CHLSN: variants seen among roughly 807,000 people sequenced by gnomAD.
The protein encoded by CHLSN is cholesin.
chr7:1,003,796 T>A, the CHLSN span, among the ~76,000 whole-genome samples: 1 of 91,664 alleles, frequency 1.1e-5, no homozygotes, highest in Admixed American at 1.0e-4. Context: ...AGTGGAGTCC[T>A]GTGGGTTTGG....
the CHLSN span, among the ~76,000 whole-genome samples, chr7:1,075,367 C>T: frequency 4.6e-5 from 7 of 151,608 alleles, no homozygotes; most frequent in African/African-American, 7.3e-5. Flanking sequence ...AAAAATTAGC[C>T]GGGGAAAAAT....
chr7:1,033,701 C>T, the CHLSN span, among the ~76,000 whole-genome samples: 2,923 of 152,150 alleles, frequency 0.019, 103 homozygotes, highest in African/African-American at 0.066. Flanking sequence ...AAATCGGTAA[C>T]GGAGGTGCCT....
chr7:1,033,541 A>T, the CHLSN span, among the ~76,000 whole-genome samples: 2 of 152,012 alleles, frequency 1.3e-5, no homozygotes, highest in Non-Finnish European at 2.9e-5. Flanking sequence ...CCTGGGCAAT[A>T]AGTGCGAAAC....
At chr7:1,108,344 G>A in the CHLSN span, among the ~76,000 whole-genome samples, 110 of 87,642 alleles carry the variant, frequency 1.3e-3, 7 homozygotes, top group African/African-American at 2.9e-3. Flanking sequence ...GAAGCAGAGG[G>A]GGGCTGTGTC....
At chr7:1,019,258 G>C in the CHLSN span, among the ~76,000 whole-genome samples, 2 of 151,098 alleles carry the variant, frequency 1.3e-5, no homozygotes, top group African/African-American at 2.4e-5. Flanking sequence ...TGAGGGTTTG[G>C]AGGGGCCCAA....
At chr7:1,118,799 CAAAAAAAAAA>C in the CHLSN span, among the ~76,000 whole-genome samples, 6 of 76,250 alleles carry the variant, frequency 7.9e-5, no homozygotes, top group African/African-American at 1.5e-4. Flanking sequence ...CCATCTCTAC[CAAAAAAAAAA>C]AAAAAAAAAA....
chr7:1,093,389 G>C, the CHLSN span: 1 of 446,506 alleles, frequency 2.2e-6, no homozygotes, highest in Non-Finnish European at 4.7e-6. Context: ...CCGAGTTAAA[G>C]AGGAGAAGGA....
At chr7:1,090,979 C>CTT in the CHLSN span, among the ~76,000 whole-genome samples, 2 of 152,098 alleles carry the variant, frequency 1.3e-5, no homozygotes, top group Non-Finnish European at 2.9e-5. Flanking sequence ...CACTCTCTCT[C>CTT]TCTCAGAAAC....
the CHLSN span, among the ~76,000 whole-genome samples, chr7:1,103,203 A>C: frequency 6.6e-6 from 1 of 152,206 alleles, no homozygotes. Context: ...GTGGCTATCC[A>C]AACTAAACCT....
the CHLSN span, among the ~76,000 whole-genome samples, chr7:998,739 C>G: frequency 6.6e-6 from 1 of 152,190 alleles, no homozygotes; most frequent in Admixed American, 6.5e-5. Context: ...AGCCACCACG[C>G]CCGGCTACAC....
At chr7:1,128,070 C>T in the CHLSN span, among the ~76,000 whole-genome samples, 1 of 27,530 alleles carries the variant, frequency 3.6e-5, no homozygotes, top group Non-Finnish European at 6.2e-5. Context: ...TGCAGTGGCG[C>T]GATCTCGGCT....
At chr7:1,105,570 GA>G in the CHLSN span, among the ~76,000 whole-genome samples, 6,345 of 151,748 alleles carry the variant, frequency 0.042, 342 homozygotes, top group African/African-American at 0.13. Flanking sequence ...AAAATACTTA[GA>G]AAAAAAAATT....
chr7:1,093,423 C>T, the CHLSN span: 1 of 462,206 alleles, frequency 2.2e-6, no homozygotes, highest in African/African-American at 2.0e-5. Context: ...TGGTGCACGC[C>T]TGAGCGTCCT....
the CHLSN span, among the ~76,000 whole-genome samples, chr7:1,032,893 C>T: frequency 6.6e-6 from 1 of 152,266 alleles, no homozygotes; most frequent in Non-Finnish European, 1.5e-5. Flanking sequence ...CACTGTCTGC[C>T]TGACCAATCC....
the CHLSN span, among the ~76,000 whole-genome samples, chr7:1,100,886 C>T: frequency 1.3e-5 from 2 of 152,218 alleles, no homozygotes; most frequent in African/African-American, 2.4e-5. Flanking sequence ...CTCCCGGGAA[C>T]GGCTGAGGGG....
the CHLSN span, among the ~76,000 whole-genome samples, chr7:1,096,160 G>A: frequency 0.015 from 2,297 of 152,314 alleles, 47 homozygotes; most frequent in African/African-American, 0.052. The surrounding 1 kb of genome is among the most constrained non-coding windows in gnomAD (Gnocchi z 4.6). Flanking sequence ...GCGTGGAAGC[G>A]TCACGCCGCC....
chr7:1,088,285 G>A, the CHLSN span: 1 of 152,338 alleles, frequency 6.6e-6, no homozygotes, highest in South Asian at 2.1e-4. The surrounding 1 kb of genome is among the most constrained non-coding windows in gnomAD (Gnocchi z 4.5). Flanking sequence ...GCCTGACCAA[G>A]GAGGCTTCCA....
At chr7:1,065,732 G>C in the CHLSN span, among the ~76,000 whole-genome samples, 1 of 152,232 alleles carries the variant, frequency 6.6e-6, no homozygotes, top group South Asian at 2.1e-4. Context: ...GCACCTGTCA[G>C]AACACGCCAG....
At chr7:1,004,527 C>G in the CHLSN span, among the ~76,000 whole-genome samples, 1 of 152,216 alleles carries the variant, frequency 6.6e-6, no homozygotes, top group African/African-American at 2.4e-5. Context: ...CTCTCTCTCA[C>G]CGAGCCCCCA....
Sources: allele counts gnomAD v4.1 joint callset (sites outside exome capture counted in the v4.1 genomes callset), GRCh38; gene constraint gnomAD v4.1.1; non-coding constraint Gnocchi (gnomAD v3.1); transcripts MANE v1.5; gene names NCBI Gene and HGNC (gene_info 2026-07-23, HGNC 2026-07-21).